ZNF804B: variants seen among roughly 807,000 people sequenced by gnomAD.
ZNF804B encodes the protein zinc finger 804B.
ZNF804B carries 80 observed loss-of-function variants against 101.4 expected under a neutral mutation model. That is an observed-to-expected ratio of 0.79 (90% CI 0.66 to 0.95). ZNF804B has a LOEUF of 0.95. Ranked by LOEUF, ZNF804B falls within the 40% of genes least tolerant of loss-of-function variation. The pLI, the probability that ZNF804B is intolerant of heterozygous loss-of-function variation, is 0.00. For missense variants in ZNF804B, 1,673 were observed against 1,561.9 expected, an observed-to-expected ratio of 1.07 and a Z score of -1.20; for synonymous variants, 622 against 558.8, an observed-to-expected ratio of 1.11 and a Z score of -1.59.
chr7:88,943,058 G>T (rs1793077553), intron 1 of ZNF804B, among the ~76,000 whole-genome samples: 1 of 151,834 alleles, frequency 6.6e-6, no homozygotes, highest in Non-Finnish European at 1.5e-5. Context: ...CTTGCCAGCT[G>T]CAAACCACAA....
chr7:89,247,692 A>G (rs906942355), intron 2 of ZNF804B, among the ~76,000 whole-genome samples: 2 of 152,200 alleles, frequency 1.3e-5, no homozygotes, highest in African/African-American at 2.4e-5. Context: ...TTAAGGCACC[A>G]TGAAATATCT....
chr7:89,191,596 AGTT>A (rs1292004590), intron 1 of ZNF804B, among the ~76,000 whole-genome samples: 3 of 152,152 alleles, frequency 2.0e-5, no homozygotes, highest in Non-Finnish European at 2.9e-5. Flanking sequence ...CCACTGAAGC[AGTT>A]GTTATAACTT....
intron 1 of ZNF804B, among the ~76,000 whole-genome samples, chr7:89,060,312 A>T (rs1021331593): frequency 2.6e-5 from 4 of 152,158 alleles, no homozygotes; most frequent in African/African-American, 4.8e-5. Flanking sequence ...TTCTTACTGT[A>T]TTCCTTACAA....
chr7:88,960,595 A>G (rs1793374440), intron 1 of ZNF804B, among the ~76,000 whole-genome samples: 1 of 151,402 alleles, frequency 6.6e-6, no homozygotes, highest in South Asian at 2.1e-4. Flanking sequence ...AAAAATATAC[A>G]TAGAGTATTG....
At chr7:89,331,830 A>G (rs1052820433) in intron 3 of ZNF804B, among the ~76,000 whole-genome samples, 1 of 151,634 alleles carries the variant, frequency 6.6e-6, no homozygotes, top group African/African-American at 2.4e-5. Context: ...TATATTCAGG[A>G]GAGCCAATGA....
intron 1 of ZNF804B, among the ~76,000 whole-genome samples, chr7:88,971,297 G>A (rs1169467038): frequency 6.6e-6 from 1 of 151,538 alleles, no homozygotes. Flanking sequence ...TCAGCATATG[G>A]ACATTTATTC....
chr7:88,822,707 C>A (rs1014826172), intron 1 of ZNF804B, among the ~76,000 whole-genome samples: 2 of 152,116 alleles, frequency 1.3e-5, no homozygotes. Flanking sequence ...GGCATAGATT[C>A]CAAGAATAGC....
intron 2 of ZNF804B, among the ~76,000 whole-genome samples, chr7:89,223,064 GTTCT>G (rs1310103787): frequency 1.3e-5 from 2 of 151,724 alleles, no homozygotes; most frequent in Non-Finnish European, 3.0e-5. Context: ...TGTCCATTTG[GTTCT>G]TTCTTCTTTA....
At chr7:89,119,780 A>G (rs193111271) in intron 1 of ZNF804B, among the ~76,000 whole-genome samples, 3 of 152,336 alleles carry the variant, frequency 2.0e-5, no homozygotes, top group Admixed American at 2.0e-4. Context: ...GCCTTGTTTG[A>G]TAATCCTGGC....
chr7:89,133,052 G>T (rs1264770142), intron 1 of ZNF804B, among the ~76,000 whole-genome samples: 1 of 151,944 alleles, frequency 6.6e-6, no homozygotes, highest in East Asian at 1.9e-4. Flanking sequence ...ATCTAAGAGG[G>T]CTCTGAGATT....
intron 1 of ZNF804B, among the ~76,000 whole-genome samples, chr7:89,217,950 C>A (rs901478896): frequency 2.0e-5 from 3 of 151,994 alleles, no homozygotes; most frequent in Non-Finnish European, 4.4e-5. Context: ...AGCTCCAGAC[C>A]AGGGCTACTT....
At chr7:88,979,608 CTT>C (rs141128834) in intron 1 of ZNF804B, among the ~76,000 whole-genome samples, 28,443 of 142,548 alleles carry the variant, frequency 0.2, 2,852 homozygotes, top group South Asian at 0.24. Context: ...CTTTTTCTTT[CTT>C]TTTTTTTTTT....
intron 1 of ZNF804B, among the ~76,000 whole-genome samples, chr7:89,011,342 C>A (rs1456377523): frequency 6.6e-6 from 1 of 152,140 alleles, no homozygotes; most frequent in Non-Finnish European, 1.5e-5. Flanking sequence ...TATCATTCTG[C>A]CCCTGGCACC....
chr7:88,792,944 C>T (rs1158907097), intron 1 of ZNF804B, among the ~76,000 whole-genome samples: 1 of 151,586 alleles, frequency 6.6e-6, no homozygotes, highest in African/African-American at 2.4e-5. Context: ...TTGTTTGTTA[C>T]ATACAATTTG....
At chr7:89,230,917 G>A (rs1051080215) in intron 2 of ZNF804B, among the ~76,000 whole-genome samples, 4 of 151,972 alleles carry the variant, frequency 2.6e-5, no homozygotes, top group Non-Finnish European at 2.9e-5. Flanking sequence ...TTCACAAATT[G>A]TGCTAATTTT....
At chr7:89,292,462 T>G (rs1208904036) in intron 2 of ZNF804B, among the ~76,000 whole-genome samples, 3 of 152,130 alleles carry the variant, frequency 2.0e-5, no homozygotes, top group Non-Finnish European at 4.4e-5. Flanking sequence ...TTTGTTTGTT[T>G]ATGCAGTGTT....
In ZNF804B at chr7:89,048,203, A is replaced by AACACACACAC. The variant is rs140428820; in HGVS notation, c.109-169938_109-169929dup. On this transcript the variant is annotated intron_variant, in intron 1 of 3. Coordinates refer to ENST00000333190, the MANE Select transcript of ZNF804B (RefSeq NM_181646.5). ...TTAGTGAGAACATATGATGTTCACAAACACACACACACACACACACACAAT... is the reference window on the plus strand; with the variant it reads ...TTAGTGAGAACATATGATGTTCACAAACACACACACACACACACACACACACACACACAAT... Among the ~76,000 whole-genome samples, 1,010 of 149,790 alleles carry AACACACACAC rather than the reference A, an allele frequency of 6.7e-3. 26 individuals carry two copies. The highest frequency in any genetic ancestry group is 0.024 in the African/African-American group (960 of 40,280).
intron 1 of ZNF804B, among the ~76,000 whole-genome samples, chr7:88,955,927 A>T (rs545287426): frequency 2.6e-5 from 4 of 151,816 alleles, no homozygotes; most frequent in South Asian, 2.1e-4. Context: ...TAGGCAAAGG[A>T]TCTGAATAGA....
At chr7:88,974,431 T>G (rs1562848476) in intron 1 of ZNF804B, among the ~76,000 whole-genome samples, 1 of 151,172 alleles carries the variant, frequency 6.6e-6, no homozygotes, top group Non-Finnish European at 1.5e-5. Flanking sequence ...TCAGTTAGAT[T>G]TAGTCATTCC....
Sources: gnomAD v4.1 joint callset for allele counts (sites outside exome capture counted in the v4.1 genomes callset) on GRCh38, gnomAD v4.1.1 for gene constraint, MANE v1.5 for transcripts, NCBI Gene and HGNC (gene_info 2026-07-23, HGNC 2026-07-21) for gene names.